OTOA: variants seen among roughly 807,000 people sequenced by gnomAD.
The protein encoded by OTOA is otoancorin, also known as cancer/testis antigen 108.
Under a neutral mutation model 110.8 loss-of-function variants are expected in OTOA, and 70 were observed. The observed-to-expected ratio is 0.63, with a 90% confidence interval of 0.52 to 0.77. The LOEUF is 0.77. OTOA is among the 30% of genes least tolerant of loss of function. The pLI is 0.00. For missense variants in OTOA, 917 were observed against 1,075.8 expected, an observed-to-expected ratio of 0.85 and a Z score of 2.06; for synonymous variants, 373 against 431.5, an observed-to-expected ratio of 0.86 and a Z score of 1.68.
At chr16:21,715,255 T>G in intron 14 of OTOA, 103 bp downstream of exon 14, 3 of 1,489,570 alleles carry the variant, frequency 2.0e-6, no homozygotes, top group Non-Finnish European at 2.8e-6. Flanking sequence ...GGGCTGGGAT[T>G]GTCTCAGCTG....
intron 9 of OTOA, among the ~76,000 whole-genome samples, chr16:21,694,814 A>G (rs959908234): frequency 6.6e-6 from 1 of 152,208 alleles, no homozygotes; most frequent in African/African-American, 2.4e-5. Flanking sequence ...ATTAAACAAC[A>G]TCATAATCAA....
intron 1 of OTOA, among the ~76,000 whole-genome samples, chr16:21,665,312 C>T (rs1179614346): frequency 1.3e-5 from 2 of 152,184 alleles, no homozygotes; most frequent in Non-Finnish European, 2.9e-5. Flanking sequence ...GGGCAGGTCA[C>T]TTGACCTCTC....
At chr16:21,690,989 C>T (rs1461633348) in intron 8 of OTOA, among the ~76,000 whole-genome samples, 3 of 147,198 alleles carry the variant, frequency 2.0e-5, no homozygotes, top group South Asian at 2.2e-4. Flanking sequence ...CAACAGGCCC[C>T]GGTGTGTGAT....
chr16:21,695,768 A>G (rs888630418), intron 9 of OTOA, among the ~76,000 whole-genome samples: 5 of 150,412 alleles, frequency 3.3e-5, no homozygotes, highest in Non-Finnish European at 1.5e-5. Context: ...AAATGCCTCC[A>G]ATACAATATC....
At chr16:21,756,545 C>T (rs1271554506) in intron 27 of OTOA, among the ~76,000 whole-genome samples, 2 of 152,032 alleles carry the variant, frequency 1.3e-5, no homozygotes, top group African/African-American at 4.8e-5. Context: ...GTTTCCCCCT[C>T]CACATCAGTG....
Position 21,679,238 on chromosome 16 carries a change from G to A in OTOA, c.179+27G>A, listed in dbSNP as rs12445216. On this transcript the variant is annotated intron_variant, in intron 5 of 28. Transcript: ENST00000646100. ...TAAAATGCCCTAGAGGAGAGGGGAA[G>A]GGATGGTATAGATTTTTAATAAAAA... The A allele has an allele frequency of 0.12, 189,972 of 1,606,776 alleles. 17,445 individuals carry two copies. The highest frequency in any genetic ancestry group is 0.39 in the African/African-American group (29,315 of 74,682).
chr16:21,691,788 GATTTTT>G lies in OTOA; in HGVS notation c.739+103_739+108del, dbSNP rs1281447279. On this transcript the variant is annotated intron_variant, in intron 9 of 28. Coordinates refer to ENST00000646100, the MANE Select transcript of OTOA (RefSeq NM_144672.4). ...CATGGATTTGATGTTGTTCTCTTCTGATTTTTACCACCTCCCACTGCTTCGAAAAAC... is the reference window on the plus strand; with the variant it reads ...CATGGATTTGATGTTGTTCTCTTCTGACCACCTCCCACTGCTTCGAAAAAC... The G allele has an allele frequency of 3.6e-6, 4 of 1,103,920 alleles. No homozygotes were observed. In the East Asian group the frequency reaches 1.0e-4, roughly 28 times the overall value. 68.4% of individuals were successfully genotyped at this position (1,103,920 alleles called of 1,614,324 possible).
chr16:21,695,891 A>ATATATATATATATATATATATTTT (rs569493650), intron 9 of OTOA, among the ~76,000 whole-genome samples: 1 of 41,902 alleles, frequency 2.4e-5, no homozygotes, highest in African/African-American at 1.5e-4. Context: ...ATATATATAT[A>ATATATATATATATATATATATTTT]TTTTTTTTTT....
intron 15 of OTOA, among the ~76,000 whole-genome samples, chr16:21,717,624 A>T (rs1238914509): frequency 6.6e-6 from 1 of 152,114 alleles, no homozygotes; most frequent in Non-Finnish European, 1.5e-5. Flanking sequence ...CGCGGCTATT[A>T]TGTGTATTAT....
chr16:21,729,254 C>T lies in OTOA; in HGVS notation c.2207+823C>T, dbSNP rs145532394. On this transcript the variant is annotated intron_variant, in intron 20 of 28. Coordinates refer to ENST00000646100, the MANE Select transcript of OTOA (RefSeq NM_144672.4). ...ATTTCACCATGTTGCCTAGGTGGGT[C>T]TTGAACTCCTGGGCTCAAGGGATTC... 2.3e-3 allele frequency among the ~76,000 whole-genome samples: 345 copies of T among 152,124 alleles called. 1 individual carries two copies. The highest frequency in any genetic ancestry group is 3.9e-3 in the Non-Finnish European group (268 of 67,986).
chr16:21,712,579 G>A (rs575959200), intron 13 of OTOA, among the ~76,000 whole-genome samples: 2 of 151,972 alleles, frequency 1.3e-5, no homozygotes, highest in South Asian at 2.1e-4. Flanking sequence ...GATGGCTCAC[G>A]CCTGTAATCC....
At chr16:21,698,925 CACTGCTA>C (rs879517873) in intron 10 of OTOA, among the ~76,000 whole-genome samples, 44 of 152,058 alleles carry the variant, frequency 2.9e-4, no homozygotes, top group Non-Finnish European at 4.7e-4. Flanking sequence ...TCAAGAATAA[CACTGCTA>C]AAAGGGAATT....
rs965888836 is a variant in OTOA at position 21,709,995 on chromosome 16, C to T, written c.1212C>T (p.Ser404=). The T allele has an allele frequency of 1.9e-6, 3 of 1,613,974 alleles. No individual in the cohort carries two copies. Among genetic ancestry groups the T allele is most frequent in the Non-Finnish European group, 2.5e-6 (3 of 1,179,982 alleles). The change falls in exon 13 of 29, where the codon TCC becomes TCT. Residue 404 remains serine, a synonymous_variant. Transcript: ENST00000646100. ...GTTTGACCTACAGCCAACTGGAATC[C>T]CTCTCCCCCGAGGCTGTGCACGGAG... ...VVGLTYSQLE[S]LSPEAVHGAI... is the part of the protein sequence containing the mutation.
chr16:21,736,293 G>T lies in OTOA; in HGVS notation c.2334G>T (p.Lys778Asn). The T allele has an allele frequency of 6.2e-7, 1 of 1,613,938 alleles. No homozygotes were observed. Among genetic ancestry groups the T allele is most frequent in the East Asian group, 2.2e-5 (1 of 44,880 alleles). Reference sequence around the variant, plus strand: ...AGATCCTTCTGCAAGCAGCTTCCAAGATGGCCAGGACCCTGCCCACTAAAG... The same window carrying T: ...AGATCCTTCTGCAAGCAGCTTCCAATATGGCCAGGACCCTGCCCACTAAAG... ...FPEILLQAAS[K>N]MARTLPTKEF... Residue 778 changes from lysine (K) to asparagine (N), a missense_variant, in exon 22 of 29, where the codon AAG becomes AAT. Lys to Asn is a moderately conservative substitution (Grantham distance 94, BLOSUM62 0). Around this residue, in one of 6 missense-constraint regions of OTOA, gnomAD observed 57 missense variants for 59.7 expected, o/e 0.96. Coordinates refer to ENST00000646100, the MANE Select transcript of OTOA (RefSeq NM_144672.4).
In OTOA at chr16:21,728,358, G is replaced by C. The variant is rs866105290; in HGVS notation, c.2134G>C (p.Gly712Arg). 1 of 1,613,986 alleles carries C rather than the reference G, an allele frequency of 6.2e-7. No individual in the cohort carries two copies. Among genetic ancestry groups the C allele is most frequent in the Non-Finnish European group, 8.5e-7 (1 of 1,180,022 alleles). The change falls in exon 20 of 29, where the codon GGC becomes CGC. Residue 712 changes from glycine to arginine, a missense_variant. Around this residue, in one of 6 missense-constraint regions of OTOA, gnomAD observed 840 missense variants for 910.2 expected, o/e 0.92. Coordinates refer to ENST00000646100, the MANE Select transcript of OTOA (RefSeq NM_144672.4). Reference sequence around the variant, plus strand: ...CAGGGCTTGGGCGACTGCTCTACACGGCCTCAGAGACTGCCCAGACCTCAA... The same window carrying C: ...CAGGGCTTGGGCGACTGCTCTACACCGCCTCAGAGACTGCCCAGACCTCAA... ...SPRAWATALH[G>R]LRDCPDLNPE...
chr16:21,685,961 A>G (rs1375470494), intron 7 of OTOA, among the ~76,000 whole-genome samples: 3 of 152,168 alleles, frequency 2.0e-5, no homozygotes, highest in Non-Finnish European at 4.4e-5. Context: ...ATTACTATGC[A>G]CCAGTGGACA....
intron 18 of OTOA, among the ~76,000 whole-genome samples, chr16:21,724,704 G>A (rs1218223846): frequency 3.9e-5 from 6 of 152,010 alleles, no homozygotes; most frequent in African/African-American, 1.2e-4. Flanking sequence ...GAAGGGGCTC[G>A]TTTGATTATC....
chr16:21,700,696 G>T (rs529099076), intron 10 of OTOA, among the ~76,000 whole-genome samples, 192 bp from the exon 11 acceptor site: 1 of 144,408 alleles, frequency 6.9e-6, no homozygotes, highest in African/African-American at 2.6e-5. Flanking sequence ...CTGCACTCCA[G>T]CCTGGGCGAC....
At chr16:21,705,322 T>A (rs1446249249) in intron 12 of OTOA, 30 bp downstream of exon 12, 1 of 1,612,900 alleles carries the variant, frequency 6.2e-7, no homozygotes, top group Non-Finnish European at 8.5e-7. Context: ...CCCTGAGGCC[T>A]CTGCCTCAGT....
Sources: gnomAD v4.1 joint callset for allele counts (sites outside exome capture counted in the v4.1 genomes callset) on GRCh38, gnomAD v4.1.1 for gene constraint, gnomAD v4.1.1 regional missense constraint, MANE v1.5 for transcripts, NCBI Gene and HGNC (gene_info 2026-07-23, HGNC 2026-07-21) for gene names.